The following PSD3 variants were observed in gnomAD, a reference collection of about 807,000 sequenced individuals.
The protein encoded by PSD3 is PH and SEC7 domain-containing protein 3.
In PSD3, 49 loss-of-function variants were observed where a neutral mutation model predicts 105.5. That is an observed-to-expected ratio of 0.46 (90% CI 0.37 to 0.59). The LOEUF (loss-of-function observed/expected upper bound fraction) is 0.59, where lower values mean the gene tolerates loss of function less well. PSD3 is among the 20% of genes least tolerant of loss of function. The pLI is 0.00. For missense variants in PSD3, 1,561 were observed against 1,263.8 expected, an observed-to-expected ratio of 1.24 and a Z score of -3.57; for synonymous variants, 557 against 457.8, an observed-to-expected ratio of 1.22 and a Z score of -2.77.
chr8:18,572,793 A>C, intron 13 of PSD3, 121 bp from the exon 14 acceptor site: 1 of 1,144,590 alleles, frequency 8.7e-7, no homozygotes, highest in Non-Finnish European at 1.2e-6. Flanking sequence ...TCCTGGTACA[A>C]CTAATCCCTG....
At chr8:18,786,131 G>A (rs1263723033) in intron 8 of PSD3, among the ~76,000 whole-genome samples, 1 of 152,186 alleles carries the variant, frequency 6.6e-6, no homozygotes, top group Non-Finnish European at 1.5e-5. Context: ...GTGAACCCGG[G>A]AGGTGGAGCT....
chr8:18,549,001 T>C (rs1351902352), intron 15 of PSD3, among the ~76,000 whole-genome samples: 1 of 152,108 alleles, frequency 6.6e-6, no homozygotes, highest in African/African-American at 2.4e-5. Context: ...GGCAGCATCC[T>C]ACACGTCTCA....
At position 18,555,078 on chromosome 8, in the gene PSD3, C is replaced by T. The variant is rs191630543; in HGVS notation, c.2928+1131G>A. On this transcript the variant is annotated intron_variant, in intron 15 of 15. Transcript: ENST00000327040. ...CAGGAGGTAACTGGGGGAGGGGAAT[C>T]GGGGAAGCTGTAGGCAGCTGTCAAG... Among the ~76,000 whole-genome samples the T allele has an allele frequency of 2.4e-3, 362 of 151,964 alleles. 1 individual carries two copies. The highest frequency in any genetic ancestry group is 8.5e-3 in the African/African-American group (351 of 41,438).
chr8:19,033,240 A>AT (rs149436225), intron 1 of PSD3, among the ~76,000 whole-genome samples: 11,407 of 152,070 alleles, frequency 0.075, 1,115 homozygotes, highest in African/African-American at 0.23. Flanking sequence ...CACAACCAAC[A>AT]TTTTTTTTAT....
intron 2 of PSD3, among the ~76,000 whole-genome samples, chr8:18,917,645 C>T (rs987421635): frequency 5.9e-5 from 9 of 152,080 alleles, no homozygotes; most frequent in Non-Finnish European, 1.5e-5. Flanking sequence ...AAAGACTTAC[C>T]ATATCCTTTT....
chr8:18,720,116 A>T (rs1484529582), intron 9 of PSD3, among the ~76,000 whole-genome samples: 2 of 152,160 alleles, frequency 1.3e-5, no homozygotes, highest in Non-Finnish European at 2.9e-5. Context: ...AATGTATGGG[A>T]AACTCATATA....
intron 11 of PSD3, among the ~76,000 whole-genome samples, chr8:18,601,192 A>G (rs1804415155): frequency 6.6e-6 from 1 of 152,238 alleles, no homozygotes; most frequent in Non-Finnish European, 1.5e-5. Context: ...TTTTCTGGAT[A>G]TGAATTCTCT....
intron 15 of PSD3, among the ~76,000 whole-genome samples, chr8:18,537,725 G>A (rs1370586459): frequency 1.3e-5 from 2 of 151,904 alleles, no homozygotes; most frequent in Non-Finnish European, 2.9e-5. Context: ...CATCCAGGCT[G>A]GAGTGCAGTG....
At chr8:19,019,467 A>G (rs560358961) in intron 1 of PSD3, among the ~76,000 whole-genome samples, 1 of 152,320 alleles carries the variant, frequency 6.6e-6, no homozygotes, top group African/African-American at 2.4e-5. Flanking sequence ...AGTATTTTCA[A>G]TAAGCGGGCT....
intron 1 of PSD3, among the ~76,000 whole-genome samples, chr8:18,990,343 T>C (rs1025818088): frequency 1.3e-5 from 2 of 152,246 alleles, no homozygotes; most frequent in Non-Finnish European, 2.9e-5. Context: ...CCTTCATTCC[T>C]ACCGCTCCAC....
chr8:18,589,110 G>C (rs1235135398), intron 12 of PSD3, among the ~76,000 whole-genome samples: 1 of 152,290 alleles, frequency 6.6e-6, no homozygotes, highest in East Asian at 1.9e-4. Flanking sequence ...GACAAAGGTA[G>C]CTAAAAGGAC....
At chr8:18,903,673 C>T (rs528131704) in intron 2 of PSD3, among the ~76,000 whole-genome samples, 2 of 152,274 alleles carry the variant, frequency 1.3e-5, no homozygotes, top group South Asian at 2.1e-4. Context: ...ACTGATACCC[C>T]AGGGACCAAT....
chr8:18,577,830 T>C (rs1802554716), intron 12 of PSD3, among the ~76,000 whole-genome samples: 1 of 152,242 alleles, frequency 6.6e-6, no homozygotes, highest in East Asian at 1.9e-4. Context: ...TCTCCCCTCA[T>C]AGATTTAACT....
intron 1 of PSD3, among the ~76,000 whole-genome samples, chr8:18,937,392 G>A (rs956342663): frequency 1.3e-5 from 2 of 152,120 alleles, no homozygotes; most frequent in African/African-American, 4.8e-5. Context: ...AAGCGTGAAG[G>A]GTTTTAACAG....
intron 2 of PSD3, among the ~76,000 whole-genome samples, chr8:18,878,679 T>C (rs1489690158): frequency 6.6e-6 from 1 of 152,208 alleles, no homozygotes; most frequent in East Asian, 1.9e-4. Context: ...CTAAACCAAA[T>C]CCCCTGTCCT....
chr8:18,837,277 G>A (rs536454226), intron 4 of PSD3, among the ~76,000 whole-genome samples: 5 of 152,148 alleles, frequency 3.3e-5, no homozygotes, highest in Admixed American at 3.3e-4. Flanking sequence ...CTGTAGACCA[G>A]GGGCCAGCTC....
At chr8:18,938,537 C>A (rs1169934126) in intron 1 of PSD3, among the ~76,000 whole-genome samples, 1 of 150,420 alleles carries the variant, frequency 6.6e-6, no homozygotes, top group African/African-American at 2.5e-5. Flanking sequence ...GCAGGAGAAT[C>A]GCTTGAACCT....
At chr8:18,885,662 T>C (rs1818405884) in intron 2 of PSD3, among the ~76,000 whole-genome samples, 1 of 152,148 alleles carries the variant, frequency 6.6e-6, no homozygotes, top group South Asian at 2.1e-4. Context: ...TTGCAGCCAG[T>C]AGTTTTCATG....
chr8:18,666,106 T>A (rs1799435387), intron 9 of PSD3, among the ~76,000 whole-genome samples: 2 of 152,166 alleles, frequency 1.3e-5, no homozygotes, highest in African/African-American at 4.8e-5. Context: ...TGGACTGCAG[T>A]GTGGCACGAT....
Sources: allele counts gnomAD v4.1 joint callset (sites outside exome capture counted in the v4.1 genomes callset), GRCh38; gene constraint gnomAD v4.1.1; transcripts MANE v1.5; gene names NCBI Gene and HGNC (gene_info 2026-07-23, HGNC 2026-07-21).